The following BRINP3 variants were observed in gnomAD, a reference collection of about 807,000 sequenced individuals.
The protein encoded by BRINP3 is BMP/retinoic acid-inducible neural-specific protein 3.
In BRINP3, 19 loss-of-function variants were observed where a neutral mutation model predicts 71.0. The observed-to-expected ratio is 0.27, with a 90% CI of 0.19 to 0.39. The LOEUF (loss-of-function observed/expected upper bound fraction) is 0.39, where lower values mean the gene tolerates loss of function less well. BRINP3 is among the 10% of genes least tolerant of loss of function. BRINP3 has a pLI of 1.00. For missense variants in BRINP3, 959 were observed against 940.8 expected, an observed-to-expected ratio of 1.02 and a Z score of -0.25; for synonymous variants, 380 against 337.7, an observed-to-expected ratio of 1.13 and a Z score of -1.37.
At chr1:190,403,822 C>T (rs926371013) in intron 2 of BRINP3, among the ~76,000 whole-genome samples, 2 of 152,212 alleles carry the variant, frequency 1.3e-5, no homozygotes. Flanking sequence ...TACACACACA[C>T]TGATTTCGAA....
At chr1:190,113,876 C>T (rs925087315) in intron 7 of BRINP3, among the ~76,000 whole-genome samples, 1 of 152,076 alleles carries the variant, frequency 6.6e-6, no homozygotes, top group Non-Finnish European at 1.5e-5. Flanking sequence ...GTTTTTTTCA[C>T]TAATAACGCA....
At chr1:190,299,049 A>T (rs1664470647) in intron 2 of BRINP3, among the ~76,000 whole-genome samples, 1 of 152,198 alleles carries the variant, frequency 6.6e-6, no homozygotes, top group Non-Finnish European at 1.5e-5. Flanking sequence ...TTATCATTAT[A>T]GTAAGTGACT....
intron 2 of BRINP3, among the ~76,000 whole-genome samples, chr1:190,433,566 T>C (rs1009229253): frequency 7.9e-5 from 12 of 152,170 alleles, no homozygotes; most frequent in Admixed American, 6.6e-5. Flanking sequence ...AGATACCATC[T>C]CTTACTATAA....
At chr1:190,229,459 G>A (rs879887247) in intron 5 of BRINP3, among the ~76,000 whole-genome samples, 13 of 151,872 alleles carry the variant, frequency 8.6e-5, no homozygotes, top group Admixed American at 8.6e-4. Flanking sequence ...AAATTACCCA[G>A]TCTCAAGTAT....
chr1:190,124,008 A>G (rs1159113441), intron 7 of BRINP3, among the ~76,000 whole-genome samples: 1 of 152,114 alleles, frequency 6.6e-6, no homozygotes, highest in East Asian at 1.9e-4. Flanking sequence ...GTCATTTGAA[A>G]TATCTCTATA....
chr1:190,098,623 C>G lies in BRINP3; in HGVS notation c.1696G>C (p.Glu566Gln), dbSNP rs755518139. The G allele has an allele frequency of 1.9e-6, 3 of 1,614,092 alleles. No individual in the cohort carries two copies. In the Admixed American group the frequency reaches 5.0e-5, roughly 27 times the overall value. ...TTGACATAAACAGCCAACACTGGCTCCAAGGTGCTGTTTTTAGTTAAGCAA... is the reference window on the plus strand; with the variant it reads ...TTGACATAAACAGCCAACACTGGCTGCAAGGTGCTGTTTTTAGTTAAGCAA... Reference protein sequence around the residue: ...QICLTKNSTLEPVLAVYVNPF... With the variant: ...QICLTKNSTLQPVLAVYVNPF... The change falls in exon 8 of 8, where the codon GAG becomes CAG. Residue 566 changes from glutamate to glutamine, a missense_variant. Physicochemically the swap from Glu to Gln is conservative, Grantham distance 29. Coordinates refer to ENST00000367462, the MANE Select transcript of BRINP3 (RefSeq NM_199051.3).
intron 2 of BRINP3, among the ~76,000 whole-genome samples, chr1:190,406,095 C>A (rs1672262078): frequency 6.6e-6 from 1 of 152,104 alleles, no homozygotes; most frequent in African/African-American, 2.4e-5. Context: ...TAGATTGGAG[C>A]CGGTTTGGTA....
At chr1:190,390,747 G>C (rs151098515) in intron 2 of BRINP3, among the ~76,000 whole-genome samples, 14 of 151,906 alleles carry the variant, frequency 9.2e-5, no homozygotes, top group African/African-American at 3.4e-4. Context: ...CATGGAAGCA[G>C]AGCATATTTC....
At chr1:190,328,743 G>T (rs1666773960) in intron 2 of BRINP3, among the ~76,000 whole-genome samples, 1 of 149,712 alleles carries the variant, frequency 6.7e-6, no homozygotes. Flanking sequence ...AAAAATACAG[G>T]CCAATATTCC....
chr1:190,445,553 C>T (rs1179496650), intron 2 of BRINP3, among the ~76,000 whole-genome samples: 2 of 149,338 alleles, frequency 1.3e-5, no homozygotes, highest in East Asian at 1.9e-4. Context: ...CATACACACA[C>T]GCACGTGCAT....
rs546927589 is a variant in BRINP3, at chr1:190,466,457, G to A, written c.-51+10991C>T. ...GACAAATAAATATTACATTTAAGGAGCTTTCAAAGATGGTTCAGTAAAACT... is the reference window on the plus strand; with the variant it reads ...GACAAATAAATATTACATTTAAGGAACTTTCAAAGATGGTTCAGTAAAACT... On this transcript the variant is annotated intron_variant, in intron 1 of 7. Coordinates refer to ENST00000367462, the MANE Select transcript of BRINP3 (RefSeq NM_199051.3). Among the ~76,000 whole-genome samples, 5 of 151,800 alleles carry A rather than the reference G, an allele frequency of 3.3e-5. No homozygotes were observed. The East Asian group carries it at 9.7e-4, about 29-fold the overall frequency.
In BRINP3 at chr1:190,099,210, A is replaced by G. The variant is rs552714085; in HGVS notation, c.1185-76T>C. The G allele has an allele frequency of 4.2e-5, 59 of 1,394,590 alleles. No individual in the cohort carries two copies. The East Asian group carries it at 1.4e-3, about 34-fold the overall frequency. The allele number at this position is 1,394,590 out of a possible 1,614,324, so 86.4% of individuals were successfully genotyped here. On this transcript the variant is annotated intron_variant, in intron 7 of 7. Transcript: ENST00000367462. Reference sequence around the variant, plus strand: ...TACTGCAGTAAACCGTAGCTCAGAAATCTTTGCTATCATTTCTTCAGGTCA... The same window carrying G: ...TACTGCAGTAAACCGTAGCTCAGAAGTCTTTGCTATCATTTCTTCAGGTCA...
chr1:190,356,371 T>C (rs1312831853), intron 2 of BRINP3, among the ~76,000 whole-genome samples: 1 of 151,992 alleles, frequency 6.6e-6, no homozygotes, highest in Non-Finnish European at 1.5e-5. Flanking sequence ...AGATCAGTGT[T>C]TAACAGAAAT....
chr1:190,392,046 G>T (rs191480112), intron 2 of BRINP3, among the ~76,000 whole-genome samples: 2 of 75,768 alleles, frequency 2.6e-5, no homozygotes, highest in Admixed American at 3.7e-4. Flanking sequence ...CGGAACAAGG[G>T]TTTAGCTTGG....
At chr1:190,393,183 A>T (rs2102314488) in intron 2 of BRINP3, among the ~76,000 whole-genome samples, 1 of 151,826 alleles carries the variant, frequency 6.6e-6, no homozygotes, top group African/African-American at 2.4e-5. Context: ...TATTAAGCAC[A>T]CATTTACATG....
chr1:190,363,709 A>G (rs934010350), intron 2 of BRINP3, among the ~76,000 whole-genome samples: 34 of 152,178 alleles, frequency 2.2e-4, no homozygotes, highest in African/African-American at 8.0e-4. Context: ...GGAGATAGCA[A>G]TGGAGAGTCT....
At position 190,302,156 on chromosome 1, in the gene BRINP3, T is replaced by C. The variant is rs1358058976; in HGVS notation, c.237-20406A>G. Among the ~76,000 whole-genome samples the C allele has an allele frequency of 2.7e-5, 4 of 150,670 alleles. No individual in the cohort carries two copies. In the South Asian group the frequency reaches 8.3e-4, roughly 31 times the overall value. ...CAATTATTGAAAGCAAATGACACAT[T>C]ATTATTCCCCAAAGACCACAGTGTA... On this transcript the variant is annotated intron_variant, in intron 2 of 7. Transcript: ENST00000367462.
intron 6 of BRINP3, among the ~76,000 whole-genome samples, chr1:190,170,793 T>C (rs1394941842): frequency 6.6e-6 from 1 of 152,198 alleles, no homozygotes; most frequent in African/African-American, 2.4e-5. Context: ...CTGTGATCAT[T>C]AGTTATAAGC....
At chr1:190,294,842 T>C (rs1664132660) in intron 2 of BRINP3, among the ~76,000 whole-genome samples, 1 of 151,946 alleles carries the variant, frequency 6.6e-6, no homozygotes, top group South Asian at 2.1e-4. Flanking sequence ...AAGGGTGCCC[T>C]GACCCTAGGT....
Sources: allele counts gnomAD v4.1 joint callset (sites outside exome capture counted in the v4.1 genomes callset), GRCh38; gene constraint gnomAD v4.1.1; transcripts MANE v1.5; gene names NCBI Gene and HGNC (gene_info 2026-07-23, HGNC 2026-07-21).